The following CEP43 variants were observed in gnomAD, a reference collection of about 807,000 sequenced individuals.
CEP43 encodes the protein centrosomal protein 43.
Under a neutral mutation model 52.6 loss-of-function variants are expected in CEP43, and 36 were observed. That is an observed-to-expected ratio of 0.68 (90% CI 0.52 to 0.90). CEP43 has a LOEUF of 0.90. Ranked by LOEUF, CEP43 falls within the 40% of genes least tolerant of loss-of-function variation. CEP43 has a pLI of 0.00. For missense variants in CEP43, 506 were observed against 472.8 expected, an observed-to-expected ratio of 1.07 and a Z score of -0.65; for synonymous variants, 192 against 172.4, an observed-to-expected ratio of 1.11 and a Z score of -0.89.
rs1033809678 is a variant in CEP43, at chr6:167,047,857, C to A, written c.*7879C>A. On this transcript the variant is annotated 3_prime_UTR_variant, in exon 13 of 13. Coordinates refer to ENST00000366847, the MANE Select transcript of CEP43 (RefSeq NM_007045.4). The stretch of plus-strand genomic sequence containing the variant: ...TCCACTACCACTCAGAGGAACCTCA[C>A]GGTGGATGCCGTAAGTGTTTACACT... 3 of 152,062 alleles carry A rather than the reference C, an allele frequency of 2.0e-5. No individual in the cohort carries two copies. Among genetic ancestry groups the A allele is most frequent in the Non-Finnish European group, 2.9e-5 (2 of 68,012 alleles). The allele number at this position is 152,062 out of a possible 1,614,324, so 9.4% of individuals were successfully genotyped here. A position where few individuals can be genotyped will look rare whatever the true frequency, so the allele number is the denominator to read the frequency against.
chr6:167,030,793 C>T (rs9457259), intron 10 of CEP43, among the ~76,000 whole-genome samples: 53,193 of 151,816 alleles, frequency 0.35, 10,428 homozygotes, highest in Non-Finnish European at 0.46. Flanking sequence ...GTACGATTAT[C>T]TCTGGGAAAA....
In CEP43 at chr6:167,024,892, A is replaced by C; in HGVS notation, c.917A>C (p.Glu306Ala). ...GGAGCCCCTTCTTTAAAAGACTCTG[A>C]GAGTAAGTGCCCAAAGATGTGGACT... ...LAGAPSLKDSESKRGNTVLKD... is the reference protein window; with the variant it reads ...LAGAPSLKDSASKRGNTVLKD... The change falls in exon 9 of 13, where the codon GAG (glutamate) becomes GCG (alanine). Residue 306 changes from glutamate to alanine, a missense_variant and splice_region_variant. By Grantham distance (107) the Glu-to-Ala change is moderately radical (BLOSUM62 -1). Transcript: ENST00000366847. 6 of 1,551,184 alleles carry C rather than the reference A, an allele frequency of 3.9e-6. No homozygotes were observed. The highest frequency in any genetic ancestry group is 5.3e-6 in the Non-Finnish European group (6 of 1,125,828).
intron 12 of CEP43, 29 bp from the exon 13 acceptor site, chr6:167,039,875 A>T: frequency 6.2e-7 from 1 of 1,610,862 alleles, no homozygotes. Context: ...TCTGACACTT[A>T]ATTATTTTCT....
intron 11 of CEP43, among the ~76,000 whole-genome samples, chr6:167,033,494 C>A (rs1163711001): frequency 6.6e-6 from 1 of 151,876 alleles, no homozygotes; most frequent in Non-Finnish European, 1.5e-5. Context: ...AAATTAGATG[C>A]CTGAGAATTT....
intron 5 of CEP43, among the ~76,000 whole-genome samples, chr6:167,006,442 G>A (rs1779855787): frequency 6.6e-6 from 1 of 152,126 alleles, no homozygotes; most frequent in African/African-American, 2.4e-5. Flanking sequence ...AACCCAGTAG[G>A]TGGCGGTGGC....
chr6:167,018,403 T>C (rs766678332), intron 7 of CEP43, among the ~76,000 whole-genome samples: 1 of 152,248 alleles, frequency 6.6e-6, no homozygotes, highest in Non-Finnish European at 1.5e-5. Flanking sequence ...GTGTGTATTT[T>C]TTTTTGAGAC....
chr6:167,006,392 G>A (rs1450690874), intron 5 of CEP43, among the ~76,000 whole-genome samples: 2 of 152,158 alleles, frequency 1.3e-5, no homozygotes, highest in Non-Finnish European at 2.9e-5. Context: ...GTGTGTGCCT[G>A]TAGTCCCAGC....
chr6:167,038,258 C>A (rs749296033), intron 12 of CEP43, among the ~76,000 whole-genome samples: 1 of 152,154 alleles, frequency 6.6e-6, no homozygotes, highest in South Asian at 2.1e-4. Context: ...TTTGTGAACC[C>A]GGGGCTGGGA....
chr6:167,012,935 C>T (rs1419800393), intron 6 of CEP43, among the ~76,000 whole-genome samples: 2 of 152,182 alleles, frequency 1.3e-5, no homozygotes, highest in East Asian at 1.9e-4. Flanking sequence ...TGTAGGGTTG[C>T]ATCTGTTCTA....
intron 12 of CEP43, 109 bp from the exon 13 acceptor site, chr6:167,039,795 A>G (rs1232553839): frequency 6.3e-6 from 7 of 1,116,842 alleles, no homozygotes; most frequent in Non-Finnish European, 7.9e-6. Flanking sequence ...GATTATGGCC[A>G]TTCTTGCAGG....
In CEP43 at chr6:167,045,486, C is replaced by A; in HGVS notation, c.*5508C>A. On this transcript the variant is annotated 3_prime_UTR_variant, in exon 13 of 13. Transcript: ENST00000366847. ...GTGGCTCACGCCTGTAATCCCAGCA[C>A]TTTGGGAGGCCGAGGCAGGCGGATC... 6.6e-6 allele frequency: 1 copy of A among 152,008 alleles called. No individual in the cohort carries two copies. The highest frequency in any genetic ancestry group is 1.5e-5 in the Non-Finnish European group (1 of 68,056). 9.4% of individuals were successfully genotyped at this position (152,008 alleles called of 1,614,324 possible). A position where few individuals can be genotyped will look rare whatever the true frequency, so the allele number is the denominator to read the frequency against.
intron 1 of CEP43, 37 bp from the exon 2 acceptor site, chr6:167,000,023 G>A: frequency 6.4e-7 from 1 of 1,565,572 alleles, no homozygotes; most frequent in Non-Finnish European, 8.8e-7. Flanking sequence ...AAATTGTCTT[G>A]AAATTATAAT....
Position 167,004,438 on chromosome 6 carries a change from T to G in CEP43, c.438+37T>G, listed in dbSNP as rs372181150. On this transcript the variant is annotated intron_variant, in intron 5 of 12. Coordinates refer to ENST00000366847, the MANE Select transcript of CEP43 (RefSeq NM_007045.4). Reference sequence around the variant, plus strand: ...TCTGTGTTATCTTTTTCTATTTTAATTATTGGCTGCTTAGTTTAGCCATGC... The same window carrying G: ...TCTGTGTTATCTTTTTCTATTTTAAGTATTGGCTGCTTAGTTTAGCCATGC... 17 of 1,548,088 alleles carry G rather than the reference T, an allele frequency of 1.1e-5. No homozygotes were observed. The African/African-American group carries it at 2.1e-4, about 19-fold the overall frequency.
At position 167,039,963 on chromosome 6, in the gene CEP43, G is replaced by A; in HGVS notation, c.1185G>A (p.Leu395=). ...AGCTCAGTGATGTTGCGGATTATCT[G>A]GAAGATGTTGCATAGACACGAAGAA... ...VSQLSDVADY[L]EDVA Residue 395 remains leucine, a synonymous_variant, in exon 13 of 13, where the codon CTG becomes CTA. Coordinates refer to ENST00000366847, the MANE Select transcript of CEP43 (RefSeq NM_007045.4). 2 of 1,613,772 alleles carry A rather than the reference G, an allele frequency of 1.2e-6. No individual in the cohort carries two copies. The highest frequency in any genetic ancestry group is 2.2e-5 in the East Asian group (1 of 44,868).
intron 6 of CEP43, among the ~76,000 whole-genome samples, chr6:167,012,046 A>C (rs1202333443): frequency 2.0e-5 from 3 of 152,184 alleles, no homozygotes; most frequent in Non-Finnish European, 4.4e-5. Flanking sequence ...AGTCCATTCC[A>C]AAAGATGAGG....
Position 167,040,860 on chromosome 6 carries a change from T to C in CEP43, c.*882T>C, listed in dbSNP as rs996316513. 1 of 1,024,542 alleles carries C rather than the reference T, an allele frequency of 9.8e-7. No homozygotes were observed. The highest frequency in any genetic ancestry group is 1.7e-5 in the African/African-American group (1 of 58,860). 63.5% of individuals were successfully genotyped at this position (1,024,542 alleles called of 1,614,324 possible). ...GTAATGGCCTAAGACCATGTTCAGT[T>C]TGACAAGCTTTATATACTGTACATA... On this transcript the variant is annotated 3_prime_UTR_variant, in exon 13 of 13. Coordinates refer to ENST00000366847, the MANE Select transcript of CEP43 (RefSeq NM_007045.4).
intron 3 of CEP43, 136 bp from the exon 4 acceptor site, chr6:167,003,587 T>A (rs1779786383): frequency 1.7e-6 from 1 of 601,380 alleles, no homozygotes; most frequent in African/African-American, 1.9e-5. Flanking sequence ...AATCATATTA[T>A]TCAAAGAGGA....
chr6:167,037,510 G>C (rs2128668427), intron 12 of CEP43, among the ~76,000 whole-genome samples: 1 of 152,302 alleles, frequency 6.6e-6, no homozygotes, highest in Non-Finnish European at 1.5e-5. Flanking sequence ...AATTGGATTT[G>C]AATTGAATGC....
intron 10 of CEP43, among the ~76,000 whole-genome samples, 162 bp downstream of exon 10, chr6:167,026,777 T>C (rs1446089945): frequency 6.6e-6 from 1 of 152,250 alleles, no homozygotes; most frequent in Non-Finnish European, 1.5e-5. Flanking sequence ...TTACACGCTA[T>C]GCGAGAGATG....
Sources: allele counts gnomAD v4.1 joint callset (sites outside exome capture counted in the v4.1 genomes callset), GRCh38; gene constraint gnomAD v4.1.1; transcripts MANE v1.5; gene names NCBI Gene and HGNC (gene_info 2026-07-23, HGNC 2026-07-21).